Variants in DAPL1 observed in about 807,000 individuals in gnomAD.
The protein encoded by DAPL1 is death associated protein like 1, also known as death-associated protein-like 1.
In DAPL1, 17 loss-of-function variants were observed where a neutral mutation model predicts 12.9. That is an observed-to-expected ratio of 1.32 (90% CI 0.90 to 1.98). The LOEUF (loss-of-function observed/expected upper bound fraction) is 1.98, where lower values mean the gene tolerates loss of function less well. Ranked by LOEUF, DAPL1 falls within the 30% of genes most tolerant of loss-of-function variation. The probability of loss-of-function intolerance (pLI) is 0.00; values close to 1 mark genes in which losing one functional copy is unlikely to be tolerated. For missense variants in DAPL1, 157 were observed against 125.7 expected (o/e 1.25, Z -1.19); for synonymous variants, 51 against 42.0 (o/e 1.21, Z -0.82).
At chr2:158,802,324 AC>A (rs1419416075) in intron 1 of DAPL1, among the ~76,000 whole-genome samples, 1 of 152,226 alleles carries the variant, frequency 6.6e-6, no homozygotes, top group Non-Finnish European at 1.5e-5. Context: ...GAGAGCAAGA[AC>A]CTAAAAGAGC....
intron 1 of DAPL1, among the ~76,000 whole-genome samples, chr2:158,796,056 T>C (rs749640571): frequency 6.6e-6 from 1 of 151,994 alleles, no homozygotes; most frequent in Non-Finnish European, 1.5e-5. Context: ...ATAGTTGTCT[T>C]TTTTTTTAAT....
chr2:158,805,753 A>G (rs2059197475), intron 2 of DAPL1, among the ~76,000 whole-genome samples: 1 of 148,652 alleles, frequency 6.7e-6, no homozygotes. Context: ...GAGTAATAAG[A>G]TGGTGATTGG....
intron 1 of DAPL1, among the ~76,000 whole-genome samples, chr2:158,800,089 T>C (rs1008442191): frequency 6.7e-6 from 1 of 150,134 alleles, no homozygotes; most frequent in Non-Finnish European, 1.5e-5. Flanking sequence ...AAATTTGGCA[T>C]TTATTTCTTT....
chr2:158,815,656 G>T lies in DAPL1; in HGVS notation c.208-49G>T. ...ACTTTCTACTAGTTTAATATTTCAT[G>T]ACCAAGAAGATCCAATATGCCTATT... On this transcript the variant is annotated intron_variant, in intron 3 of 3. Coordinates refer to ENST00000309950, the MANE Select transcript of DAPL1 (RefSeq NM_001017920.3). 2.6e-6 allele frequency: 3 copies of T among 1,153,468 alleles called. No individual in the cohort carries two copies. In the South Asian group the frequency reaches 3.7e-5, roughly 14 times the overall value. 71.5% of individuals were successfully genotyped at this position (1,153,468 alleles called of 1,614,324 possible). A position where few individuals can be genotyped will look rare whatever the true frequency, so the allele number is the denominator to read the frequency against.
At position 158,815,961 on chromosome 2, in the gene DAPL1, G is replaced by C. The variant is rs1575232811; in HGVS notation, c.*140G>C. Reference sequence around the variant, plus strand: ...TTTGTATCTTCCCCTTTGACTTTAGGTAATAAAGCATCCAAACTTGTAAAT... The same window carrying C: ...TTTGTATCTTCCCCTTTGACTTTAGCTAATAAAGCATCCAAACTTGTAAAT... On this transcript the variant is annotated 3_prime_UTR_variant, in exon 4 of 4. Coordinates refer to ENST00000309950, the MANE Select transcript of DAPL1 (RefSeq NM_001017920.3). The C allele has an allele frequency of 1.6e-6, 1 of 641,202 alleles. No individual in the cohort carries two copies. The highest frequency in any genetic ancestry group is 2.7e-5 in the East Asian group (1 of 37,160). The allele number at this position is 641,202 out of a possible 1,614,324, so 39.7% of individuals were successfully genotyped here. A position where few individuals can be genotyped will look rare whatever the true frequency, so the allele number is the denominator to read the frequency against.
intron 1 of DAPL1, among the ~76,000 whole-genome samples, chr2:158,796,191 C>T (rs1298938023): frequency 1.3e-5 from 2 of 152,150 alleles, no homozygotes; most frequent in African/African-American, 4.8e-5. Flanking sequence ...CTTCCAACTG[C>T]CTTCCTTCTT....
chr2:158,795,413 G>C lies in DAPL1; in HGVS notation c.41G>C (p.Gly14Ala), dbSNP rs1470468163. Residue 14 changes from glycine to alanine, a missense_variant, in exon 1 of 4, where the codon GGG becomes GCG. Physicochemically the swap from Gly to Ala is moderately conservative, Grantham distance 60 (BLOSUM62 0). Transcript: ENST00000309950. ...CAAGACCTGCTCTCCCCTCGGAAAG[G>C]GGGACATCCTCCTGCAGGTAGGCTG... ...EVQDLLSPRK[G>A]GHPPAVKAGG... 1.3e-6 allele frequency: 2 copies of C among 1,555,572 alleles called. No individual in the cohort carries two copies. The highest frequency in any genetic ancestry group is 1.9e-5 in the Admixed American group (1 of 51,364).
chr2:158,803,182 C>T (rs528476938), intron 1 of DAPL1, among the ~76,000 whole-genome samples: 81 of 152,286 alleles, frequency 5.3e-4, no homozygotes, highest in African/African-American at 1.9e-3. Context: ...AAGCTTATAA[C>T]ATTAGCAGTA....
chr2:158,795,658 A>T (rs1483468732), intron 1 of DAPL1, among the ~76,000 whole-genome samples: 2 of 152,150 alleles, frequency 1.3e-5, no homozygotes, highest in Admixed American at 1.3e-4. Context: ...TACCTACGGC[A>T]GTGTATGGAT....
At chr2:158,798,596 G>A (rs539130860) in intron 1 of DAPL1, among the ~76,000 whole-genome samples, 1 of 152,188 alleles carries the variant, frequency 6.6e-6, no homozygotes, top group South Asian at 2.1e-4. Context: ...AAGAGTGAAC[G>A]GAGACTCAGT....
rs901628264 is a variant in DAPL1 at position 158,808,904 on chromosome 2, G to A, written c.207+1789G>A. Among the ~76,000 whole-genome samples, 6 of 152,236 alleles carry A rather than the reference G, an allele frequency of 3.9e-5. No homozygotes were observed. The East Asian group carries it at 5.8e-4, about 15-fold the overall frequency. On this transcript the variant is annotated intron_variant, in intron 3 of 3. Transcript: ENST00000309950. ...TATTAGGTATGATGCCAGAGTTTAC[G>A]TTCTGTTCTTATAGACATGTGATAT...
intron 3 of DAPL1, among the ~76,000 whole-genome samples, chr2:158,812,943 C>A (rs372938293): frequency 1.4e-4 from 21 of 152,224 alleles, no homozygotes; most frequent in African/African-American, 4.6e-4. Flanking sequence ...ATAGCTGCAT[C>A]ATTCACAATA....
intron 3 of DAPL1, among the ~76,000 whole-genome samples, chr2:158,811,003 T>C (rs946132687): frequency 1.1e-4 from 17 of 152,228 alleles, no homozygotes; most frequent in Non-Finnish European, 1.5e-4. Flanking sequence ...CCAAATATAT[T>C]AATCCTCTGG....
At chr2:158,797,657 G>A (rs1048046007) in intron 1 of DAPL1, among the ~76,000 whole-genome samples, 2 of 151,900 alleles carry the variant, frequency 1.3e-5, no homozygotes, top group African/African-American at 4.8e-5. Context: ...CCGGGCGTGG[G>A]GCATGTGCCT....
At position 158,815,739 on chromosome 2, in the gene DAPL1, C is replaced by T. The variant is rs61740880; in HGVS notation, c.242C>T (p.Ala81Val). The change falls in exon 4 of 4, where the codon GCG (alanine) becomes GTG (valine). Residue 81 changes from alanine (A) to valine (V), a missense_variant. Transcript: ENST00000309950. ...AAATTTCCAGCAACAGTGCACATGG[C>T]GCATCAAAAACCCACACCTGCTCTG... ...NYKFPATVHMAHQKPTPALEK... is the reference protein window; with the variant it reads ...NYKFPATVHMVHQKPTPALEK... 41,011 of 1,613,190 alleles carry T rather than the reference C, an allele frequency of 0.025. 656 individuals are homozygous for T. The highest frequency in any genetic ancestry group is 0.03 in the Non-Finnish European group (35,224 of 1,179,114).
intron 3 of DAPL1, among the ~76,000 whole-genome samples, chr2:158,815,365 T>G (rs1238349651): frequency 1.3e-5 from 2 of 152,254 alleles, no homozygotes; most frequent in East Asian, 1.9e-4. Flanking sequence ...CCAATGTCCC[T>G]GTAGCCTTCT....
chr2:158,801,112 G>C (rs2059165077), intron 1 of DAPL1, among the ~76,000 whole-genome samples: 1 of 152,108 alleles, frequency 6.6e-6, no homozygotes, highest in African/African-American at 2.4e-5. Flanking sequence ...CAAAGTGCTG[G>C]GATTACAGGT....
At chr2:158,810,205 A>G (rs2059223199) in intron 3 of DAPL1, among the ~76,000 whole-genome samples, 1 of 152,240 alleles carries the variant, frequency 6.6e-6, no homozygotes, top group African/African-American at 2.4e-5. Context: ...GAATCGATAT[A>G]TAAAAGATAC....
intron 3 of DAPL1, among the ~76,000 whole-genome samples, chr2:158,811,061 A>G (rs749937795): frequency 2.6e-5 from 4 of 152,244 alleles, no homozygotes; most frequent in Non-Finnish European, 4.4e-5. Context: ...TTCTCAGAAC[A>G]TAAAAGTATC....
Sources: allele counts gnomAD v4.1 joint callset (sites outside exome capture counted in the v4.1 genomes callset), GRCh38; gene constraint gnomAD v4.1.1; transcripts MANE v1.5; gene names NCBI Gene and HGNC (gene_info 2026-07-23, HGNC 2026-07-21).